HMCN2: variants seen among roughly 807,000 people sequenced by gnomAD.
The protein encoded by HMCN2 is hemicentin 2.
In HMCN2, 325 loss-of-function variants were observed where a neutral mutation model predicts 377.5. The ratio of observed to expected loss-of-function variants is 0.86; its 90% CI spans 0.79 to 0.94. The LOEUF is 0.94. HMCN2 is among the 40% of genes least tolerant of loss of function. The pLI is 0.00. For missense variants in HMCN2, 4,543 were observed against 4,725.3 expected, an observed-to-expected ratio of 0.96 and a Z score of 1.13; for synonymous variants, 2,007 against 2,046.8, an observed-to-expected ratio of 0.98 and a Z score of 0.53.
intron 15 of HMCN2, among the ~76,000 whole-genome samples, chr9:130,317,525 T>C (rs1837627928): frequency 6.7e-6 from 1 of 148,494 alleles, no homozygotes; most frequent in African/African-American, 2.5e-5. Context: ...GACAGAGTCT[T>C]GCTCTGTCAC....
intron 1 of HMCN2, among the ~76,000 whole-genome samples, chr9:130,268,259 G>A (rs559126508): frequency 3.0e-4 from 45 of 152,286 alleles, no homozygotes; most frequent in African/African-American, 1.1e-3. Context: ...TCTGGGCACT[G>A]AGCTGGTGGG....
Position 130,398,646 on chromosome 9 carries a change from C to G in HMCN2, c.11422C>G (p.Leu3808Val), listed in dbSNP as rs1355042118. The G allele has an allele frequency of 7.8e-7, 1 of 1,289,504 alleles. No individual in the cohort carries two copies. The highest frequency in any genetic ancestry group is 1.2e-5 in the South Asian group (1 of 81,022). The allele number at this position is 1,289,504 out of a possible 1,614,324, so 79.9% of individuals were successfully genotyped here. Residue 3808 changes from leucine (L) to valine (V), a missense_variant, in exon 75 of 98, where the codon CTG (leucine) becomes GTG (valine). Physicochemically the swap from Leu to Val is conservative, Grantham distance 32. Coordinates refer to ENST00000683500, the MANE Select transcript of HMCN2 (RefSeq NM_001291815.2). Reference sequence around the variant, plus strand: ...CGAGGCCAGCGGCTCCCCTAAGCCCCTGGTGGTCTGGTGGAAGGACGGACA... The same window carrying G: ...CGAGGCCAGCGGCTCCCCTAAGCCCGTGGTGGTCTGGTGGAAGGACGGACA... ...PCEASGSPKP[L>V]VVWWKDGQKL...
At chr9:130,400,008 G>C (rs531955447) in intron 76 of HMCN2, among the ~76,000 whole-genome samples, 2 of 152,190 alleles carry the variant, frequency 1.3e-5, no homozygotes, top group Non-Finnish European at 2.9e-5. Context: ...TTCAGCTCAC[G>C]CCAGACCTGC....
chr9:130,391,352 C>T lies in HMCN2; in HGVS notation c.9816C>T (p.Gly3272=). Residue 3272 remains glycine, a synonymous_variant, in exon 64 of 98, where the codon GGC becomes GGT. Transcript: ENST00000683500. ...GCAGCCCGCTGGGCCAGGACATGGG[C>T]CCCCACCTCCGGTAAGACTTGGCCC... ...KDGSPLGQDM[G]PHLRFYLDGG... is the part of the protein sequence containing the mutation. The T allele has an allele frequency of 2.0e-6, 2 of 987,668 alleles. No individual in the cohort carries two copies. The highest frequency in any genetic ancestry group is 2.4e-6 in the Non-Finnish European group (2 of 830,132). 61.2% of individuals were successfully genotyped at this position (987,668 alleles called of 1,614,324 possible).
chr9:130,330,565 G>T (rs892411168), intron 22 of HMCN2, among the ~76,000 whole-genome samples: 46 of 152,104 alleles, frequency 3.0e-4, no homozygotes, highest in Non-Finnish European at 6.0e-4. Flanking sequence ...ACACGTATCA[G>T]GTGGGCCACT....
At position 130,425,002 on chromosome 9, in the gene HMCN2, T is replaced by A; in HGVS notation, c.13520-7T>A. 6.5e-7 allele frequency: 1 copy of A among 1,541,084 alleles called. No homozygotes were observed. Among genetic ancestry groups the A allele is most frequent in the South Asian group, 1.2e-5 (1 of 82,326 alleles). ...GTGACTCTGGGCTGGGTGGGGATGG[T>A]TTGCAGGGGAGCTGCTCACGATGAC... On this transcript the variant is annotated splice_polypyrimidine_tract_variant and splice_region_variant and intron_variant, in intron 88 of 97. Coordinates refer to ENST00000683500, the MANE Select transcript of HMCN2 (RefSeq NM_001291815.2).
At chr9:130,277,633 C>G (rs2131241983) in intron 1 of HMCN2, among the ~76,000 whole-genome samples, 1 of 152,130 alleles carries the variant, frequency 6.6e-6, no homozygotes, top group East Asian at 1.9e-4. Context: ...ATGCTTAGAA[C>G]AAAACTTGGT....
intron 22 of HMCN2, among the ~76,000 whole-genome samples, chr9:130,329,842 C>T (rs1423328768): frequency 2.0e-5 from 3 of 151,862 alleles, no homozygotes; most frequent in Non-Finnish European, 4.4e-5. Flanking sequence ...CACAGAACCA[C>T]ACTCAGCCTC....
rs908623279 is a variant in HMCN2 at position 130,403,973 on chromosome 9, T to C, written c.12148+98T>C. On this transcript the variant is annotated intron_variant, in intron 80 of 97. Transcript: ENST00000683500. ...TCTCTGCCTGGCAGGGCACACTGCTTATAGTTCTAGAAGGAATTAAGGGGA... is the reference window on the plus strand; with the variant it reads ...TCTCTGCCTGGCAGGGCACACTGCTCATAGTTCTAGAAGGAATTAAGGGGA... 12 of 1,111,318 alleles carry C rather than the reference T, an allele frequency of 1.1e-5. No homozygotes were observed. The African/African-American group carries it at 1.8e-4, about 17-fold the overall frequency. 68.8% of individuals were successfully genotyped at this position (1,111,318 alleles called of 1,614,324 possible).
At chr9:130,314,263 C>T (rs886467431) in intron 15 of HMCN2, among the ~76,000 whole-genome samples, 18 of 152,230 alleles carry the variant, frequency 1.2e-4, no homozygotes, top group African/African-American at 3.4e-4. Flanking sequence ...GGCTCTGTGG[C>T]GAGGGGGCCA....
chr9:130,429,130 C>T (rs111745370), intron 93 of HMCN2: 1,907 of 188,574 alleles, frequency 0.01, 43 homozygotes, highest in African/African-American at 0.042. Flanking sequence ...TCCTGCCTGC[C>T]GCCCTTCCTG....
In HMCN2 at chr9:130,382,742, G is replaced by A. The variant is rs1365457612; in HGVS notation, c.8609G>A (p.Ser2870Asn). The A allele has an allele frequency of 3.0e-6, 3 of 985,596 alleles. No individual in the cohort carries two copies. Among genetic ancestry groups the A allele is most frequent in the African/African-American group, 1.7e-5 (1 of 57,200 alleles). The allele number at this position is 985,596 out of a possible 1,614,324, so 61.1% of individuals were successfully genotyped here. A position where few individuals can be genotyped will look rare whatever the true frequency, so the allele number is the denominator to read the frequency against. Residue 2870 changes from serine (S) to asparagine (N), a missense_variant, in exon 56 of 98, where the codon AGC becomes AAC. Coordinates refer to ENST00000683500, the MANE Select transcript of HMCN2 (RefSeq NM_001291815.2). ...LVEEVTVNAS[S>N]TVSLQCPALG... ...GAAGAGGTGACAGTCAATGCCAGCA[G>A]CACCGTCAGCCTGCAGTGCCCGGCC...
At position 130,343,765 on chromosome 9, in the gene HMCN2, G is replaced by T. The variant is rs909287099; in HGVS notation, c.3829+1329G>T. On this transcript the variant is annotated intron_variant, in intron 25 of 97. Transcript: ENST00000683500. ...ACTGCCTCTCCCCACCAGGCCTGCC[G>T]CCTGGGCTGCCCCGGCCTCCTTCCT... Among the ~76,000 whole-genome samples, 74 of 152,328 alleles carry T rather than the reference G, an allele frequency of 4.9e-4. No individual in the cohort carries two copies. In the East Asian group the frequency reaches 0.012, roughly 25 times the overall value.
chr9:130,304,157 G>T lies in HMCN2; in HGVS notation c.1543+549G>T, dbSNP rs1479089245. ...GAAAAATATAAACAACCCAAGAGAA[G>T]ATCAAAATAACTTGTAATCCCTCCA... is the stretch of plus-strand genomic sequence containing the variant. On this transcript the variant is annotated intron_variant, in intron 10 of 97. Transcript: ENST00000683500. The surrounding 1 kb of genome is among the most constrained non-coding windows in gnomAD (Gnocchi z 4.3). Among the ~76,000 whole-genome samples, 5 of 152,158 alleles carry T rather than the reference G, an allele frequency of 3.3e-5. No homozygotes were observed. Among genetic ancestry groups the T allele is most frequent in the African/African-American group, 1.2e-4 (5 of 41,434 alleles).
rs1834884978 is a variant in HMCN2 at position 130,278,051 on chromosome 9, T to TCA, written c.260-6552_260-6551insCA. Reference sequence around the variant, plus strand: ...ACGATCATCACCACCACCATCATCATTACCACCACCACCACCACCATCATC... The same window carrying TCA: ...ACGATCATCACCACCACCATCATCATCATACCACCACCACCACCACCATCATC... On this transcript the variant is annotated intron_variant, in intron 1 of 97. Transcript: ENST00000683500. 1.1e-4 allele frequency among the ~76,000 whole-genome samples: 11 copies of TCA among 101,692 alleles called. 2 individuals are homozygous for TCA. Among genetic ancestry groups the TCA allele is most frequent in the East Asian group, 2.9e-4 (1 of 3,392 alleles). 66.7% of individuals were successfully genotyped at this position (101,692 alleles called of 152,430 possible).
chr9:130,351,258 G>A lies in HMCN2; in HGVS notation c.4431-165G>A, dbSNP rs567834547. Among the ~76,000 whole-genome samples, 5 of 152,312 alleles carry A rather than the reference G, an allele frequency of 3.3e-5. No individual in the cohort carries two copies. Among genetic ancestry groups the A allele is most frequent in the East Asian group, 1.9e-4 (1 of 5,186 alleles). ...GTTCCGTGGCATGGACGGACCACAC[G>A]TTGTTGATCCATTCCTCGCTTACTG... On this transcript the variant is annotated intron_variant, in intron 29 of 97. Coordinates refer to ENST00000683500, the MANE Select transcript of HMCN2 (RefSeq NM_001291815.2). The surrounding 1 kb of genome is among the most constrained non-coding windows in gnomAD (Gnocchi z 5.4).
Position 130,383,548 on chromosome 9 carries a change from G to A in HMCN2, c.8778G>A (p.Val2926=). The change falls in exon 57 of 98, where the codon GTG becomes GTA. Residue 2926 remains valine (V), a synonymous_variant. Transcript: ENST00000683500. ...EVADAASYMC[V]AENQAGSAEK... ...CCGACGCCGCCAGCTACATGTGTGT[G>A]GCCGAGAACCAGGCGGGCTCCGCTG... The A allele has an allele frequency of 1.0e-6, 1 of 986,062 alleles. No individual in the cohort carries two copies. The highest frequency in any genetic ancestry group is 1.2e-6 in the Non-Finnish European group (1 of 830,082). The allele number at this position is 986,062 out of a possible 1,614,324, so 61.1% of individuals were successfully genotyped here.
At chr9:130,433,306 C>T in intron 97 of HMCN2, 42 bp from the exon 98 acceptor site, 2 of 1,374,722 alleles carry the variant, frequency 1.5e-6, no homozygotes, top group Non-Finnish European at 1.9e-6. Flanking sequence ...GCTCCGACCG[C>T]ACCCCCGAGT....
chr9:130,403,731 C>G lies in HMCN2; in HGVS notation c.12014-10C>G. On this transcript the variant is annotated splice_polypyrimidine_tract_variant and intron_variant, in intron 79 of 97. Transcript: ENST00000683500. Reference sequence around the variant, plus strand: ...TTCCCAGGCCCCCGATTTTCTTCTTCCTCGTTCAGGAGTGAGTACCCAGGT... The same window carrying G: ...TTCCCAGGCCCCCGATTTTCTTCTTGCTCGTTCAGGAGTGAGTACCCAGGT... 7.8e-7 allele frequency: 1 copy of G among 1,287,794 alleles called. No individual in the cohort carries two copies. The highest frequency in any genetic ancestry group is 1.0e-6 in the Non-Finnish European group (1 of 987,644). 79.8% of individuals were successfully genotyped at this position (1,287,794 alleles called of 1,614,324 possible). A position where few individuals can be genotyped will look rare whatever the true frequency, so the allele number is the denominator to read the frequency against.
Sources: gnomAD v4.1 joint callset for allele counts (sites outside exome capture counted in the v4.1 genomes callset) on GRCh38, gnomAD v4.1.1 for gene constraint, Gnocchi (gnomAD v3.1) non-coding constraint, MANE v1.5 for transcripts, NCBI Gene and HGNC (gene_info 2026-07-23, HGNC 2026-07-21) for gene names.